MAP2: variants seen among roughly 807,000 people sequenced by gnomAD.
MAP2 encodes the protein microtubule-associated protein 2.
In MAP2, 14 loss-of-function variants were observed where a neutral mutation model predicts 137.6. The observed-to-expected ratio is 0.10, with a 90% CI of 0.07 to 0.16. The LOEUF (loss-of-function observed/expected upper bound fraction) is 0.16. Among genes scored for constraint, MAP2 ranks in the 10% least tolerant of loss-of-function variants. The probability of loss-of-function intolerance (pLI) is 1.00; values close to 1 mark genes in which losing one functional copy is unlikely to be tolerated. For missense variants in MAP2, 2,088 were observed against 2,191.5 expected (o/e 0.95, Z 0.94); for synonymous variants, 786 against 782.3 (o/e 1.00, Z -0.08).
At chr2:209,629,008 CA>C (rs2092705946) in intron 4 of MAP2, among the ~76,000 whole-genome samples, 1 of 152,178 alleles carries the variant, frequency 6.6e-6, no homozygotes, top group Admixed American at 6.5e-5. Context: ...AATGCTAAAG[CA>C]CTTTCATGTT....
At chr2:209,439,793 G>C (rs139501739) in intron 1 of MAP2, among the ~76,000 whole-genome samples, 166 of 151,512 alleles carry the variant, frequency 1.1e-3, no homozygotes, top group Non-Finnish European at 2.0e-3. Flanking sequence ...ACAATTTTAA[G>C]TCGATGTTAT....
intron 2 of MAP2, among the ~76,000 whole-genome samples, chr2:209,577,252 T>C (rs1475244803): frequency 6.6e-6 from 1 of 152,012 alleles, no homozygotes; most frequent in Non-Finnish European, 1.5e-5. Flanking sequence ...CTAACCAGTA[T>C]GTAGGATTCA....
chr2:209,586,301 T>A (rs1477106910), intron 3 of MAP2, among the ~76,000 whole-genome samples: 2 of 152,042 alleles, frequency 1.3e-5, no homozygotes, highest in South Asian at 2.1e-4. Context: ...TAGAAAATGT[T>A]CTAAAGGAAA....
intron 3 of MAP2, among the ~76,000 whole-genome samples, chr2:209,584,243 T>G (rs933041214): frequency 6.6e-6 from 1 of 152,018 alleles, no homozygotes. Context: ...GAGTATGAGT[T>G]TTCTGAGGCG....
chr2:209,533,918 TA>T (rs1264952380), intron 2 of MAP2, among the ~76,000 whole-genome samples: 1 of 152,096 alleles, frequency 6.6e-6, no homozygotes, highest in Non-Finnish European at 1.5e-5. Context: ...TGAATTTTAT[TA>T]ACACAAGGAG....
At chr2:209,528,105 C>T (rs951055199) in intron 2 of MAP2, among the ~76,000 whole-genome samples, 2 of 149,304 alleles carry the variant, frequency 1.3e-5, no homozygotes, top group Non-Finnish European at 3.0e-5. Context: ...TCTTCCCCCC[C>T]TGCCCACCCC....
rs1164750383 is a variant in MAP2, at chr2:209,522,120, C to T, written c.-172+14479C>T. ...AGAGTCAGCATCATTTAAACCAGTG[C>T]CCCATTAGGATTGATGGGCCTCCTT... is the stretch of plus-strand genomic sequence containing the variant. On this transcript the variant is annotated intron_variant, in intron 2 of 15. Coordinates refer to ENST00000682079, the MANE Select transcript of MAP2 (RefSeq NM_001375505.1). Among the ~76,000 whole-genome samples, 7 of 152,118 alleles carry T rather than the reference C, an allele frequency of 4.6e-5. No homozygotes were observed. The South Asian group carries it at 1.2e-3, about 27-fold the overall frequency.
At chr2:209,588,864 A>G (rs1245049735) in intron 3 of MAP2, among the ~76,000 whole-genome samples, 1 of 152,192 alleles carries the variant, frequency 6.6e-6, no homozygotes, top group Non-Finnish European at 1.5e-5. Context: ...ACTTTCCAAG[A>G]TGACATTTGA....
intron 3 of MAP2, among the ~76,000 whole-genome samples, chr2:209,593,854 TAAAATATATATTTATATTATA>T (rs2080370583): frequency 4.8e-5 from 5 of 103,374 alleles, no homozygotes; most frequent in African/African-American, 1.8e-4. Flanking sequence ...ATATATATTA[TAAAATATATATTTATATTATA>T]AAAATATATT....
At chr2:209,445,242 T>A (rs1698783412) in intron 1 of MAP2, among the ~76,000 whole-genome samples, 1 of 151,650 alleles carries the variant, frequency 6.6e-6, no homozygotes, top group South Asian at 2.1e-4. Flanking sequence ...ACACTACAGT[T>A]ATTTTGCCTT....
At chr2:209,689,737 AT>A (rs2058287620) in intron 7 of MAP2, among the ~76,000 whole-genome samples, 1 of 151,998 alleles carries the variant, frequency 6.6e-6, no homozygotes, top group African/African-American at 2.4e-5. Flanking sequence ...TAATGTGCAT[AT>A]TTTTTCTTTA....
At chr2:209,680,139 T>C (rs1224863484) in intron 6 of MAP2, among the ~76,000 whole-genome samples, 2 of 152,162 alleles carry the variant, frequency 1.3e-5, no homozygotes, top group East Asian at 3.8e-4. Context: ...AGACCAGAAG[T>C]TTACTCAGCA....
At chr2:209,653,064 A>G in intron 4 of MAP2, 78 bp from the exon 5 acceptor site, 1 of 1,185,538 alleles carries the variant, frequency 8.4e-7, no homozygotes, top group East Asian at 2.6e-5. Context: ...TTTGCTACAA[A>G]TTTTTCCTAT....
At chr2:209,717,806 T>C (rs1238151425) in intron 13 of MAP2, among the ~76,000 whole-genome samples, 1 of 152,138 alleles carries the variant, frequency 6.6e-6, no homozygotes. Flanking sequence ...CTCTGCAATC[T>C]AGGCAAAAAG....
At chr2:209,615,713 T>A (rs569499195) in intron 3 of MAP2, among the ~76,000 whole-genome samples, 1 of 152,264 alleles carries the variant, frequency 6.6e-6, no homozygotes, top group Admixed American at 6.5e-5. Context: ...CCGAAGACAG[T>A]AAAAAGCCTG....
intron 4 of MAP2, among the ~76,000 whole-genome samples, chr2:209,640,128 C>T (rs1237718839): frequency 6.6e-6 from 1 of 152,022 alleles, no homozygotes; most frequent in East Asian, 1.9e-4. Context: ...TCCTTTAAAC[C>T]CTCTTCCAGG....
intron 3 of MAP2, among the ~76,000 whole-genome samples, chr2:209,589,654 A>T (rs1369412347): frequency 6.6e-6 from 1 of 152,234 alleles, no homozygotes. Flanking sequence ...TGAGAAGCAG[A>T]TAAAGCTAAA....
chr2:209,658,786 C>A (rs1011769705), intron 5 of MAP2, among the ~76,000 whole-genome samples: 1 of 152,002 alleles, frequency 6.6e-6, no homozygotes, highest in African/African-American at 2.4e-5. Context: ...GGATTACAGG[C>A]GTGAGCCACT....
At chr2:209,443,323 C>T (rs950575662) in intron 1 of MAP2, among the ~76,000 whole-genome samples, 1 of 151,366 alleles carries the variant, frequency 6.6e-6, no homozygotes, top group African/African-American at 2.4e-5. Context: ...AAGTAACCAT[C>T]ATATTCATTT....
Sources: gnomAD v4.1 joint callset for allele counts (sites outside exome capture counted in the v4.1 genomes callset) on GRCh38, gnomAD v4.1.1 for gene constraint, MANE v1.5 for transcripts, NCBI Gene and HGNC (gene_info 2026-07-23, HGNC 2026-07-21) for gene names.